NCAM1: variants seen among roughly 807,000 people sequenced by gnomAD.
NCAM1 encodes the protein neural cell adhesion molecule 1, also known as antigen recognized by monoclonal antibody 5.1H11.
Under a neutral mutation model 109.8 loss-of-function variants are expected in NCAM1, and 14 were observed. That is an observed-to-expected ratio of 0.13 (90% CI 0.08 to 0.20). The LOEUF is 0.20. NCAM1 is among the 10% of genes least tolerant of loss of function. NCAM1 has a pLI of 1.00. For synonymous variants in NCAM1, 418 were observed against 442.9 expected, an observed-to-expected ratio of 0.94 and a Z score of 0.70; for missense variants, 774 against 1,109.9, an observed-to-expected ratio of 0.70 and a Z score of 4.30.
chr11:113,161,146 T>C (rs1942588446), intron 1 of NCAM1, among the ~76,000 whole-genome samples: 1 of 152,180 alleles, frequency 6.6e-6, no homozygotes, highest in South Asian at 2.1e-4. Context: ...TGAAAATCTC[T>C]GCCACCTAGG....
chr11:113,268,149 G>A (rs1555124675), intron 17 of NCAM1, among the ~76,000 whole-genome samples: 1 of 152,224 alleles, frequency 6.6e-6, no homozygotes, highest in Admixed American at 6.5e-5. Flanking sequence ...GGATCCTGAA[G>A]ACCAAGAAGG....
chr11:113,097,278 A>T (rs1320288288), intron 1 of NCAM1, among the ~76,000 whole-genome samples: 1 of 152,132 alleles, frequency 6.6e-6, no homozygotes. Context: ...GCTTTAGTGG[A>T]TTCAGCATAG....
chr11:113,193,717 A>C (rs1591404140), intron 1 of NCAM1, among the ~76,000 whole-genome samples: 2 of 152,246 alleles, frequency 1.3e-5, no homozygotes, highest in African/African-American at 4.8e-5. Context: ...AAGGAAAAGA[A>C]ATGAGAAAAG....
chr11:113,177,716 G>A (rs1555107300), intron 1 of NCAM1, among the ~76,000 whole-genome samples: 2 of 152,126 alleles, frequency 1.3e-5, no homozygotes, highest in African/African-American at 4.8e-5. Context: ...TTACAGGCAT[G>A]AGGCACCGCA....
intron 1 of NCAM1, among the ~76,000 whole-genome samples, chr11:113,069,127 C>T (rs1030788246): frequency 1.3e-5 from 2 of 152,104 alleles, no homozygotes; most frequent in East Asian, 1.9e-4. Context: ...GCTGTAGAGT[C>T]ACCTTGTGGA....
At chr11:113,037,317 T>C (rs1555079331) in intron 1 of NCAM1, among the ~76,000 whole-genome samples, 1 of 152,164 alleles carries the variant, frequency 6.6e-6, no homozygotes, top group African/African-American at 2.4e-5. Flanking sequence ...ACAAGAGGGT[T>C]GGGTTTGTGA....
At chr11:113,242,981 C>T (rs1393911803) in intron 14 of NCAM1, 26 of 1,508,878 alleles carry the variant, frequency 1.7e-5, no homozygotes, top group Non-Finnish European at 2.3e-5. Context: ...GGCTCCTAGC[C>T]TGGTGTGGTT....
chr11:112,976,308 G>A (rs1951005534), intron 1 of NCAM1, among the ~76,000 whole-genome samples: 1 of 151,832 alleles, frequency 6.6e-6, no homozygotes, highest in African/African-American at 2.4e-5. Context: ...AAAATGATGA[G>A]TTCCACTGTG....
chr11:113,042,136 A>G (rs1326867739), intron 1 of NCAM1, among the ~76,000 whole-genome samples: 2 of 152,152 alleles, frequency 1.3e-5, no homozygotes, highest in Non-Finnish European at 2.9e-5. Context: ...CAGATCCCTG[A>G]GCCCAGAGTC....
chr11:113,121,658 C>A (rs886154939), intron 1 of NCAM1, among the ~76,000 whole-genome samples: 2 of 151,714 alleles, frequency 1.3e-5, no homozygotes, highest in African/African-American at 2.4e-5. Flanking sequence ...GAGTTATTAT[C>A]CCCAACACTC....
intron 1 of NCAM1, among the ~76,000 whole-genome samples, chr11:113,121,771 C>CT (rs1341880995): frequency 3.3e-5 from 5 of 152,072 alleles, no homozygotes; most frequent in Non-Finnish European, 7.4e-5. Flanking sequence ...AAATCCATTC[C>CT]TTTGGGTGCC....
chr11:113,195,604 G>A (rs1370832672), intron 1 of NCAM1, among the ~76,000 whole-genome samples: 2 of 145,858 alleles, frequency 1.4e-5, no homozygotes, highest in African/African-American at 2.6e-5. Flanking sequence ...CTGGGTTCAC[G>A]CCATTCTCCT....
chr11:113,231,626 TC>T lies in NCAM1; in HGVS notation c.1090-12del, dbSNP rs782022126. The T allele has an allele frequency of 3.8e-5, 61 of 1,596,894 alleles. No homozygotes were observed. Among genetic ancestry groups the T allele is most frequent in the South Asian group, 3.5e-4 (32 of 90,224 alleles). On this transcript the variant is annotated intron_variant, in intron 9 of 19. Coordinates refer to ENST00000316851, the MANE Select transcript of NCAM1 (RefSeq NM_181351.5). ...TGCCTTGGGCTCTGACATGCTCCCT[TC>T]CCCCCCACCCCCGGCAGACTCTGGA...
chr11:113,002,062 G>T (rs1434930692), intron 1 of NCAM1, among the ~76,000 whole-genome samples: 4 of 152,166 alleles, frequency 2.6e-5, no homozygotes, highest in Non-Finnish European at 5.9e-5. Context: ...GGTTAGTTCG[G>T]TTTAGGCCAG....
chr11:113,046,997 G>T (rs1953293109), intron 1 of NCAM1, among the ~76,000 whole-genome samples: 1 of 152,182 alleles, frequency 6.6e-6, no homozygotes, highest in South Asian at 2.1e-4. Context: ...GGCTGTTAAA[G>T]TTCATGCTTT....
At chr11:113,106,628 A>T (rs1768457362) in intron 1 of NCAM1, among the ~76,000 whole-genome samples, 1 of 152,268 alleles carries the variant, frequency 6.6e-6, no homozygotes, top group Non-Finnish European at 1.5e-5. Flanking sequence ...CAGCCAAAAC[A>T]CAAACGGACA....
chr11:113,154,183 G>A (rs1431874615), intron 1 of NCAM1, among the ~76,000 whole-genome samples: 1 of 152,338 alleles, frequency 6.6e-6, no homozygotes, highest in East Asian at 1.9e-4. Context: ...ATGGAATGAT[G>A]CAGATAGACT....
chr11:113,019,577 T>G (rs1270168558), intron 1 of NCAM1, among the ~76,000 whole-genome samples: 1 of 152,248 alleles, frequency 6.6e-6, no homozygotes, highest in Non-Finnish European at 1.5e-5. Context: ...TTGGCCATCT[T>G]CTTTTCTTTT....
chr11:113,223,888 A>G (rs909129626), intron 9 of NCAM1, among the ~76,000 whole-genome samples: 3 of 152,220 alleles, frequency 2.0e-5, no homozygotes, highest in African/African-American at 7.2e-5. Context: ...TCTTGAGGCC[A>G]CTAGTCTAGA....
Sources: gnomAD v4.1 joint callset for allele counts (sites outside exome capture counted in the v4.1 genomes callset) on GRCh38, gnomAD v4.1.1 for gene constraint, MANE v1.5 for transcripts, NCBI Gene and HGNC (gene_info 2026-07-23, HGNC 2026-07-21) for gene names.